Variants in COL25A1 observed in about 807,000 individuals in gnomAD.
The protein encoded by COL25A1 is collagen type XXV alpha 1 chain.
Under a neutral mutation model 128.4 loss-of-function variants are expected in COL25A1, and 103 were observed. The observed-to-expected ratio is 0.80, with a 90% CI of 0.68 to 0.94. The LOEUF (loss-of-function observed/expected upper bound fraction) is 0.94. Ranked by LOEUF, COL25A1 falls within the 40% of genes least tolerant of loss-of-function variation. The probability of loss-of-function intolerance (pLI) is 0.00; values close to 1 mark genes in which losing one functional copy is unlikely to be tolerated. For missense variants in COL25A1, 745 were observed against 840.0 expected (o/e 0.89, Z 1.40); for synonymous variants, 279 against 277.2 (o/e 1.01, Z -0.06).
intron 3 of COL25A1, among the ~76,000 whole-genome samples, chr4:109,118,958 C>T (rs760824870): frequency 6.6e-6 from 1 of 151,954 alleles, no homozygotes; most frequent in African/African-American, 2.4e-5. Flanking sequence ...AGATACCCCA[C>T]ATTTTTGGAC....
intron 3 of COL25A1, among the ~76,000 whole-genome samples, chr4:109,116,092 G>A (rs769173853): frequency 6.6e-6 from 1 of 152,004 alleles, no homozygotes; most frequent in Non-Finnish European, 1.5e-5. Context: ...CCGAAGTGTA[G>A]TTGATGAATT....
At chr4:109,181,801 C>A (rs1033359526) in intron 3 of COL25A1, among the ~76,000 whole-genome samples, 1 of 151,924 alleles carries the variant, frequency 6.6e-6, no homozygotes, top group Non-Finnish European at 1.5e-5. Context: ...ATCCCTTGAA[C>A]TTTTCCTCCC....
chr4:109,025,750 TACTG>T (rs1162530540), intron 5 of COL25A1, among the ~76,000 whole-genome samples: 1 of 152,330 alleles, frequency 6.6e-6, no homozygotes, highest in African/African-American at 2.4e-5. Flanking sequence ...AGCTACCACT[TACTG>T]ACCACTACAC....
In COL25A1 at chr4:108,990,229, AAAAAAAAAAAATATAT is replaced by A. The variant is rs1307699804; in HGVS notation, c.439-15686_439-15671del. ...CTCCATCTCAAAAAAAAAAAAAAAA[AAAAAAAAAAAATATAT>A]ATATATATATATATATATATATATA... On this transcript the variant is annotated intron_variant, in intron 6 of 37. Transcript: ENST00000399132. 9.7e-5 allele frequency among the ~76,000 whole-genome samples: 7 copies of A among 72,300 alleles called. No individual in the cohort carries two copies. The East Asian group carries it at 2.4e-3, about 25-fold the overall frequency. 47.4% of individuals were successfully genotyped at this position (72,300 alleles called of 152,430 possible).
chr4:108,983,229 TCCA>T, intron 6 of COL25A1, among the ~76,000 whole-genome samples: 1 of 152,266 alleles, frequency 6.6e-6, no homozygotes, highest in Non-Finnish European at 1.5e-5. Context: ...TAAAATGAAC[TCCA>T]TGGTGAAAGA....
At chr4:109,019,659 C>T (rs1579106020) in intron 5 of COL25A1, among the ~76,000 whole-genome samples, 1 of 151,912 alleles carries the variant, frequency 6.6e-6, no homozygotes, top group South Asian at 2.1e-4. Flanking sequence ...AGGGAAACTG[C>T]CCCCATAATG....
intron 13 of COL25A1, among the ~76,000 whole-genome samples, chr4:108,916,098 A>G (rs1744842509): frequency 1.3e-5 from 2 of 152,230 alleles, no homozygotes; most frequent in Admixed American, 6.5e-5. Flanking sequence ...TTTCCTAAAA[A>G]TGATATAGCA....
At chr4:108,899,239 C>T in intron 14 of COL25A1, 59 bp from the exon 15 acceptor site, 1 of 1,451,776 alleles carries the variant, frequency 6.9e-7, no homozygotes, top group South Asian at 1.2e-5. Context: ...ATTTTATTAT[C>T]ATTATTAAAC....
intron 3 of COL25A1, among the ~76,000 whole-genome samples, chr4:109,265,640 T>C (rs1216624330): frequency 1.3e-5 from 2 of 150,776 alleles, no homozygotes; most frequent in Non-Finnish European, 3.0e-5. Flanking sequence ...TACCATAACT[T>C]GAGAATCCCA....
At chr4:108,920,673 T>C (rs1745398207) in intron 11 of COL25A1, 69 bp from the exon 12 acceptor site, 6 of 1,094,786 alleles carry the variant, frequency 5.5e-6, no homozygotes, top group Admixed American at 2.1e-5. Flanking sequence ...CAATTTAAAC[T>C]GTCCTATTCT....
intron 11 of COL25A1, 83 bp downstream of exon 11, chr4:108,937,725 C>CT: frequency 8.5e-7 from 1 of 1,169,622 alleles, no homozygotes; most frequent in South Asian, 1.4e-5. Context: ...TGTCATATGA[C>CT]AGATACATTC....
At chr4:108,846,022 T>C (rs1735046370) in intron 28 of COL25A1, 117 bp downstream of exon 28, 6 of 641,900 alleles carry the variant, frequency 9.3e-6, no homozygotes, top group Non-Finnish European at 1.6e-5. Flanking sequence ...AATAAAAATA[T>C]GAGATGAACC....
intron 3 of COL25A1, among the ~76,000 whole-genome samples, chr4:109,090,118 T>C (rs1414731024): frequency 3.3e-5 from 5 of 152,120 alleles, no homozygotes; most frequent in Non-Finnish European, 5.9e-5. Context: ...AATAGAAACA[T>C]GTAAGATGTT....
At position 109,010,369 on chromosome 4, in the gene COL25A1, G is replaced by A. The variant is rs998457308; in HGVS notation, c.427C>T (p.Pro143Ser). ...RRGESGPPGQ[P>S]GPQGPPGPKG... is the part of the protein sequence containing the mutation. ...AAGAATTACCTTACCTGAGGACCAGGCTGTCCCTGAAATTAAAAAGAAAAA... is the reference window on the plus strand; with the variant it reads ...AAGAATTACCTTACCTGAGGACCAGACTGTCCCTGAAATTAAAAAGAAAAA... Residue 143 changes from proline (P) to serine (S), a missense_variant, in exon 6 of 38, where the codon CCT (proline) becomes TCT (serine). Physicochemically the swap from Pro to Ser is moderately conservative, Grantham distance 74. Transcript: ENST00000399132. 2 of 1,575,640 alleles carry A rather than the reference G, an allele frequency of 1.3e-6. No homozygotes were observed. The highest frequency in any genetic ancestry group is 2.0e-5 in the Admixed American group (1 of 50,692).
intron 31 of COL25A1, among the ~76,000 whole-genome samples, chr4:108,839,131 T>C (rs1734136861): frequency 6.6e-6 from 1 of 152,104 alleles, no homozygotes; most frequent in South Asian, 2.1e-4. Flanking sequence ...CTAGGCAGTA[T>C]TTACTCAACT....
chr4:108,875,971 C>G (rs1323349113), intron 19 of COL25A1, among the ~76,000 whole-genome samples: 1 of 151,992 alleles, frequency 6.6e-6, no homozygotes, highest in Non-Finnish European at 1.5e-5. Context: ...GACAGAAAAC[C>G]AAACACCGCA....
At position 108,973,260 on chromosome 4, in the gene COL25A1, T is replaced by C. The variant is rs555096553; in HGVS notation, c.492+1107A>G. Among the ~76,000 whole-genome samples, 4 of 152,298 alleles carry C rather than the reference T, an allele frequency of 2.6e-5. 1 individual carries two copies. The East Asian group carries it at 7.7e-4, about 29-fold the overall frequency. ...TAACGTGGTGTTTAATCTCCTAAAA[T>C]GAGCATTTGGCTTGAAGCTAGTCAT... is the stretch of plus-strand genomic sequence containing the variant. On this transcript the variant is annotated intron_variant, in intron 8 of 37. Coordinates refer to ENST00000399132, the MANE Select transcript of COL25A1 (RefSeq NM_198721.4).
chr4:109,218,364 T>TTTTGTTTGTTTG (rs1288984507), intron 3 of COL25A1, among the ~76,000 whole-genome samples: 1 of 130,154 alleles, frequency 7.7e-6, no homozygotes, highest in African/African-American at 3.4e-5. Flanking sequence ...GGGGTTTTTT[T>TTTTGTTTGTTTG]TTTTTTTTTT....
At chr4:109,067,364 G>C (rs1337202844) in intron 3 of COL25A1, among the ~76,000 whole-genome samples, 6 of 152,052 alleles carry the variant, frequency 3.9e-5, no homozygotes, top group Admixed American at 1.3e-4. Flanking sequence ...AGACTCCATT[G>C]AGCACCGGGG....
Sources: allele counts gnomAD v4.1 joint callset (sites outside exome capture counted in the v4.1 genomes callset), GRCh38; gene constraint gnomAD v4.1.1; transcripts MANE v1.5; gene names NCBI Gene and HGNC (gene_info 2026-07-23, HGNC 2026-07-21).